Variants in STPG2 observed in about 807,000 individuals in gnomAD.
The protein encoded by STPG2 is sperm-tail PG-rich repeat-containing protein 2.
In STPG2, 56 loss-of-function variants were observed where a neutral mutation model predicts 54.2. The observed-to-expected ratio is 1.03, with a 90% CI of 0.83 to 1.29. The LOEUF is 1.29. STPG2 is among the 50% of genes most tolerant of loss of function. The pLI is 0.00. For missense variants in STPG2, 596 were observed against 544.9 expected, an observed-to-expected ratio of 1.09 and a Z score of -0.93; for synonymous variants, 200 against 181.8, an observed-to-expected ratio of 1.10 and a Z score of -0.81.
chr4:97,603,990 A>C (rs1733528831), intron 10 of STPG2, among the ~76,000 whole-genome samples: 1 of 151,732 alleles, frequency 6.6e-6, no homozygotes, highest in Non-Finnish European at 1.5e-5. Context: ...TATATATTGC[A>C]CCGCAATTGA....
chr4:97,991,465 A>T (rs111900188), intron 5 of STPG2, among the ~76,000 whole-genome samples: 1 of 141,296 alleles, frequency 7.1e-6, no homozygotes, highest in Non-Finnish European at 1.5e-5. Flanking sequence ...GTGTGTATAT[A>T]TATATATGTA....
chr4:97,636,125 C>G (rs370604958), intron 10 of STPG2, among the ~76,000 whole-genome samples: 2 of 149,376 alleles, frequency 1.3e-5, no homozygotes, highest in Non-Finnish European at 3.0e-5. Flanking sequence ...AAAGAACAGA[C>G]ATTATAACAA....
chr4:98,116,405 T>C (rs757416075), intron 3 of STPG2, among the ~76,000 whole-genome samples: 17 of 152,098 alleles, frequency 1.1e-4, no homozygotes, highest in Admixed American at 2.0e-4. Context: ...CAGGATATTT[T>C]AGGTAAGGAA....
chr4:97,966,044 A>G (rs963065548), intron 7 of STPG2, among the ~76,000 whole-genome samples: 2 of 152,230 alleles, frequency 1.3e-5, no homozygotes, highest in African/African-American at 4.8e-5. Context: ...AGTAGGCTTC[A>G]GAAGATCAGT....
At chr4:97,860,171 A>T (rs970165293) in intron 8 of STPG2, among the ~76,000 whole-genome samples, 1 of 152,120 alleles carries the variant, frequency 6.6e-6, no homozygotes. Context: ...GATGCCTCCA[A>T]ATTAGTTCCT....
At chr4:97,755,039 G>T (rs1405126091) in intron 9 of STPG2, among the ~76,000 whole-genome samples, 2 of 152,064 alleles carry the variant, frequency 1.3e-5, no homozygotes, top group Non-Finnish European at 2.9e-5. Context: ...AACAAAAACA[G>T]AAAATAAACT....
At chr4:97,632,275 A>T (rs1721312178) in intron 10 of STPG2, among the ~76,000 whole-genome samples, 1 of 148,142 alleles carries the variant, frequency 6.8e-6, no homozygotes, top group African/African-American at 2.6e-5. Flanking sequence ...AAATTTTAAC[A>T]AGCTTATTGG....
intron 4 of STPG2, among the ~76,000 whole-genome samples, chr4:97,514,648 G>T (rs941036539): frequency 2.6e-5 from 4 of 151,976 alleles, no homozygotes; most frequent in Non-Finnish European, 4.4e-5. Context: ...AAGGGTATAG[G>T]CTTTTACATA....
chr4:97,862,377 A>G (rs1729585110), intron 8 of STPG2, among the ~76,000 whole-genome samples: 2 of 152,188 alleles, frequency 1.3e-5, no homozygotes, highest in Non-Finnish European at 2.9e-5. Flanking sequence ...AAACGGATCA[A>G]TTCAACAAGA....
chr4:98,031,694 T>A (rs971593400), intron 5 of STPG2, among the ~76,000 whole-genome samples: 3 of 151,058 alleles, frequency 2.0e-5, no homozygotes, highest in Admixed American at 6.6e-5. Flanking sequence ...TCAAAAAAAA[T>A]AAAAAATAAA....
At chr4:98,060,243 C>CAA (rs1451767118) in intron 5 of STPG2, among the ~76,000 whole-genome samples, 1 of 152,102 alleles carries the variant, frequency 6.6e-6, no homozygotes, top group Non-Finnish European at 1.5e-5. Context: ...AATCAATGTG[C>CAA]AAAAATCACT....
At chr4:97,563,853 T>C (rs1732335715) in intron 10 of STPG2, among the ~76,000 whole-genome samples, 1 of 152,214 alleles carries the variant, frequency 6.6e-6, no homozygotes, top group Non-Finnish European at 1.5e-5. Flanking sequence ...AGAGCTTTAC[T>C]TCTAATGATG....
chr4:97,605,053 G>A (rs189053732), intron 10 of STPG2, among the ~76,000 whole-genome samples: 3 of 151,654 alleles, frequency 2.0e-5, no homozygotes, highest in African/African-American at 4.8e-5. Context: ...CTTCAGTAAC[G>A]GAAAATAACC....
At chr4:97,582,583 T>C (rs1040191393) in intron 10 of STPG2, among the ~76,000 whole-genome samples, 4 of 152,058 alleles carry the variant, frequency 2.6e-5, no homozygotes, top group African/African-American at 9.7e-5. Context: ...CTGACAAATA[T>C]GAAATATGAT....
At chr4:98,027,269 G>A (rs1423934637) in intron 5 of STPG2, among the ~76,000 whole-genome samples, 1 of 152,104 alleles carries the variant, frequency 6.6e-6, no homozygotes, top group Non-Finnish European at 1.5e-5. Flanking sequence ...AAGTTCCAGG[G>A]ATTAGGATAT....
Position 97,489,785 on chromosome 4 carries a change from A to T in STPG2, c.462+222914T>A, listed in dbSNP as rs141277826. ...TATTTCCTTCAAAGGTCTCCTTCTG[A>T]AGAGGGTGAAGATCTCTACCCCGAA... On this transcript the variant is annotated intron_variant, in intron 4 of 4. Transcript: ENST00000522676. The T allele has an allele frequency of 2.0e-5, 3 of 151,686 alleles. No individual in the cohort carries two copies. In the East Asian group the frequency reaches 5.8e-4, roughly 30 times the overall value. 9.4% of individuals were successfully genotyped at this position (151,686 alleles called of 1,614,324 possible). A position where few individuals can be genotyped will look rare whatever the true frequency, so the allele number is the denominator to read the frequency against.
chr4:97,885,081 A>G (rs1336560165), intron 8 of STPG2, among the ~76,000 whole-genome samples: 1 of 152,208 alleles, frequency 6.6e-6, no homozygotes, highest in African/African-American at 2.4e-5. Flanking sequence ...AATAGCTACT[A>G]AAGGTACTAC....
chr4:97,754,835 T>A (rs1023387242), intron 9 of STPG2, among the ~76,000 whole-genome samples: 4 of 152,096 alleles, frequency 2.6e-5, no homozygotes, highest in Non-Finnish European at 5.9e-5. Flanking sequence ...ATACCTCATA[T>A]TCACAGTTAA....
Position 97,615,661 on chromosome 4 carries a change from A to T in STPG2, c.1321-56544T>A, listed in dbSNP as rs187151438. 2.4e-4 allele frequency among the ~76,000 whole-genome samples: 37 copies of T among 152,166 alleles called. No homozygotes were observed. The East Asian group carries it at 7.2e-3, about 29-fold the overall frequency. On this transcript the variant is annotated intron_variant, in intron 10 of 10. Coordinates refer to ENST00000295268, the MANE Select transcript of STPG2 (RefSeq NM_174952.3). Reference sequence around the variant, plus strand: ...ATATATAATGTATATTTTTACCGATATATCAATTGTTTGTGGCCAGATATT... The same window carrying T: ...ATATATAATGTATATTTTTACCGATTTATCAATTGTTTGTGGCCAGATATT...
Sources: allele counts gnomAD v4.1 joint callset (sites outside exome capture counted in the v4.1 genomes callset), GRCh38; gene constraint gnomAD v4.1.1; transcripts MANE v1.5; gene names NCBI Gene and HGNC (gene_info 2026-07-23, HGNC 2026-07-21).